The following ANKRD55 variants were observed in gnomAD, a reference collection of about 807,000 sequenced individuals.
ANKRD55 encodes ankyrin repeat domain 55.
Under a neutral mutation model 60.6 loss-of-function variants are expected in ANKRD55, and 41 were observed. The observed-to-expected ratio is 0.68, with a 90% CI of 0.53 to 0.88. The LOEUF (loss-of-function observed/expected upper bound fraction) is 0.88. Ranked by LOEUF, ANKRD55 falls within the 40% of genes least tolerant of loss-of-function variation. The pLI is 0.00. For missense variants in ANKRD55, 732 were observed against 767.6 expected (o/e 0.95, Z 0.55); for synonymous variants, 264 against 290.3 (o/e 0.91, Z 0.92).
intron 2 of ANKRD55, among the ~76,000 whole-genome samples, chr5:56,230,505 G>A (rs1023336304): frequency 6.6e-6 from 1 of 152,034 alleles, no homozygotes; most frequent in African/African-American, 2.4e-5. Flanking sequence ...GTACTGCTAG[G>A]GTTCACTTAT....
At chr5:56,126,393 T>C (rs1177915254) in intron 8 of ANKRD55, among the ~76,000 whole-genome samples, 2 of 152,176 alleles carry the variant, frequency 1.3e-5, no homozygotes, top group African/African-American at 4.8e-5. Context: ...AGTATCTAAC[T>C]AGCTCTGACA....
intron 2 of ANKRD55, among the ~76,000 whole-genome samples, chr5:56,204,677 A>C (rs1446723873): frequency 6.6e-6 from 1 of 152,172 alleles, no homozygotes; most frequent in African/African-American, 2.4e-5. Flanking sequence ...TCCTTTATAA[A>C]TTACCCAGTC....
intron 11 of ANKRD55, 78 bp downstream of exon 11, chr5:56,102,416 T>A: frequency 8.4e-6 from 9 of 1,073,012 alleles, no homozygotes; most frequent in South Asian, 1.5e-5. Flanking sequence ...AAAATGAAAG[T>A]AAACGGAAAT....
chr5:56,165,727 C>T (rs1010055896), intron 5 of ANKRD55, among the ~76,000 whole-genome samples: 10 of 151,974 alleles, frequency 6.6e-5, no homozygotes, highest in Non-Finnish European at 8.8e-5. Flanking sequence ...GTTGGGAGTT[C>T]GAGACCAGCC....
intron 6 of ANKRD55, among the ~76,000 whole-genome samples, chr5:56,158,333 T>C (rs577800502): frequency 7.0e-4 from 106 of 152,354 alleles, no homozygotes; most frequent in African/African-American, 2.5e-3. Context: ...TATCAGACTT[T>C]CTTAGTGAAA....
At chr5:56,135,243 C>CCTCCCTCCCTGCCTGCCTGCTTGCT (rs1757530805) in intron 7 of ANKRD55, among the ~76,000 whole-genome samples, 1 of 84,368 alleles carries the variant, frequency 1.2e-5, no homozygotes, top group South Asian at 3.5e-4. Flanking sequence ...TCCTTCCTTC[C>CCTCCCTCCCTGCCTGCCTGCTTGCT]TTCCTTCCTT....
chr5:56,177,042 T>TC (rs1396945162), intron 3 of ANKRD55, among the ~76,000 whole-genome samples: 4 of 152,060 alleles, frequency 2.6e-5, no homozygotes, highest in Non-Finnish European at 5.9e-5. Context: ...CCCTGAGAAA[T>TC]CCCCAAGAAA....
Position 56,170,785 on chromosome 5 carries a change from C to T in ANKRD55, c.331G>A (p.Val111Met), listed in dbSNP as rs1226460233. 1.9e-6 allele frequency: 3 copies of T among 1,614,188 alleles called. No homozygotes were observed. The highest frequency in any genetic ancestry group is 2.5e-6 in the Non-Finnish European group (3 of 1,180,010). ...ATYLGWLEGC[V>M]SLLRNGAKHN... ...TTGGCACCGTTTCTGAGTAGACTCA[C>T]ACAGCCTTCAAGCCAGCCCTGAAAT... Residue 111 changes from valine to methionine, a missense_variant, in exon 5 of 12, where the codon GTG (valine) becomes ATG (methionine). This residue lies in a region of ANKRD55 where 131 missense variants were observed against 142.7 expected (regional missense o/e 0.92). Transcript: ENST00000341048.
At chr5:56,139,162 C>G (rs1356880569) in intron 7 of ANKRD55, among the ~76,000 whole-genome samples, 1 of 152,114 alleles carries the variant, frequency 6.6e-6, no homozygotes, top group African/African-American at 2.4e-5. Flanking sequence ...TAAAACTGCT[C>G]TAGAAAACTA....
At chr5:56,139,708 C>T (rs76878863) in intron 7 of ANKRD55, among the ~76,000 whole-genome samples, 4,845 of 152,194 alleles carry the variant, frequency 0.032, 101 homozygotes, top group Non-Finnish European at 0.048. Flanking sequence ...CAACAGTGAC[C>T]GTAATTGTTT....
At chr5:56,130,175 G>A (rs1247698541) in intron 7 of ANKRD55, among the ~76,000 whole-genome samples, 1 of 152,148 alleles carries the variant, frequency 6.6e-6, no homozygotes, top group Admixed American at 6.6e-5. Context: ...AATAGTGGGA[G>A]GGGGAAAAGG....
intron 2 of ANKRD55, among the ~76,000 whole-genome samples, chr5:56,198,329 C>T (rs984254192): frequency 2.6e-5 from 4 of 151,372 alleles, no homozygotes; most frequent in Non-Finnish European, 5.9e-5. Context: ...GACGGAGTTT[C>T]GCTCTTGTTA....
intron 2 of ANKRD55, among the ~76,000 whole-genome samples, chr5:56,210,511 G>A (rs575979268): frequency 5.3e-4 from 75 of 142,658 alleles, no homozygotes; most frequent in African/African-American, 1.8e-3. Flanking sequence ...GCAGTGAGCC[G>A]AGATCGCGCG....
intron 2 of ANKRD55, among the ~76,000 whole-genome samples, chr5:56,219,140 G>A (rs1311371763): frequency 6.6e-6 from 1 of 151,818 alleles, no homozygotes; most frequent in African/African-American, 2.4e-5. Flanking sequence ...AGGCATGGTG[G>A]CAGGCACCTG....
At chr5:56,144,054 A>T in intron 6 of ANKRD55, 125 bp from the exon 7 acceptor site, 1 of 1,120,500 alleles carries the variant, frequency 8.9e-7, no homozygotes, top group Non-Finnish European at 1.3e-6. Context: ...CTGCTGGTTC[A>T]TTCATTCATT....
At chr5:56,154,904 G>A (rs1019850654) in intron 6 of ANKRD55, among the ~76,000 whole-genome samples, 3 of 152,030 alleles carry the variant, frequency 2.0e-5, no homozygotes, top group Non-Finnish European at 4.4e-5. Context: ...GATCTTAACT[G>A]GCTTCATTTG....
intron 9 of ANKRD55, among the ~76,000 whole-genome samples, chr5:56,113,986 C>CTATATATATATA (rs3055156): frequency 6.0e-4 from 83 of 139,138 alleles, no homozygotes; most frequent in East Asian, 2.4e-3. Context: ...AATATGTATA[C>CTATATATATATA]TATATATATA....
At chr5:56,143,562 G>C (rs1403830846) in intron 7 of ANKRD55, among the ~76,000 whole-genome samples, 17 of 152,170 alleles carry the variant, frequency 1.1e-4, no homozygotes. Flanking sequence ...TTGAGATGGA[G>C]AGAGAAACAG....
intron 2 of ANKRD55, among the ~76,000 whole-genome samples, chr5:56,189,587 C>T (rs531162045): frequency 6.6e-6 from 1 of 152,282 alleles, no homozygotes; most frequent in East Asian, 1.9e-4. Context: ...GTTGTCCTTT[C>T]GTGACTGGCT....
Sources: allele counts gnomAD v4.1 joint callset (sites outside exome capture counted in the v4.1 genomes callset), GRCh38; gene constraint gnomAD v4.1.1; regional missense constraint gnomAD v4.1.1; transcripts MANE v1.5; gene names NCBI Gene and HGNC (gene_info 2026-07-23, HGNC 2026-07-21).